The following PRKD3 variants were observed in gnomAD, a reference collection of about 807,000 sequenced individuals.
The protein encoded by PRKD3 is serine/threonine-protein kinase D3.
A neutral mutation model predicts 99.2 loss-of-function variants in PRKD3; 47 were observed. The ratio of observed to expected loss-of-function variants is 0.47; its 90% CI spans 0.38 to 0.60. PRKD3 has a LOEUF of 0.60. Ranked by LOEUF, PRKD3 falls within the 20% of genes least tolerant of loss-of-function variation. The probability of loss-of-function intolerance (pLI) is 0.00; values close to 1 mark genes in which losing one functional copy is unlikely to be tolerated. For synonymous variants in PRKD3, 392 were observed against 355.4 expected (o/e 1.10, Z -1.16); for missense variants, 1,019 against 1,088.4 (o/e 0.94, Z 0.90).
In PRKD3 at chr2:37,275,740, ATATTTTT is replaced by A. The variant is rs529413153; in HGVS notation, c.1374+20_1374+26del. On this transcript the variant is annotated intron_variant, in intron 10 of 18. Coordinates refer to ENST00000234179, the MANE Select transcript of PRKD3 (RefSeq NM_005813.6). ...AAAAACATACACTATCTTAATGCTT[ATATTTTT>A]TAAAGTGTAAAATCCTTACCTTATA... The A allele has an allele frequency of 3.2e-5, 51 of 1,575,112 alleles. 1 individual carries two copies. In the Admixed American group the frequency reaches 8.5e-4, roughly 26 times the overall value.
At chr2:37,319,515 A>G (rs1671787993) in intron 1 of PRKD3, among the ~76,000 whole-genome samples, 1 of 152,220 alleles carries the variant, frequency 6.6e-6, no homozygotes, top group Admixed American at 6.5e-5. Flanking sequence ...TAGTTTCCCC[A>G]AAATGTGCAA....
In PRKD3 at chr2:37,316,569, A is replaced by G; in HGVS notation, c.-45T>C. ...TAAAATAGTTGTCGATTCTTTTTCA[A>G]TGGTTATGAAGAGGTTTTTAAAATA... On this transcript the variant is annotated 5_prime_UTR_variant, in exon 2 of 19. Coordinates refer to ENST00000234179, the MANE Select transcript of PRKD3 (RefSeq NM_005813.6). 1 of 1,579,566 alleles carries G rather than the reference A, an allele frequency of 6.3e-7. No individual in the cohort carries two copies. The highest frequency in any genetic ancestry group is 8.6e-7 in the Non-Finnish European group (1 of 1,164,630).
At position 37,272,361 on chromosome 2, in the gene PRKD3, A is replaced by T; in HGVS notation, c.1704+19T>A. 1 of 1,601,192 alleles carries T rather than the reference A, an allele frequency of 6.2e-7. No individual in the cohort carries two copies. ...ATTTTAATCACCCAGTTTACACATT[A>T]GCTATAACGATTACTTACCACATTC... is the stretch of plus-strand genomic sequence containing the variant. On this transcript the variant is annotated intron_variant, in intron 12 of 18. Coordinates refer to ENST00000234179, the MANE Select transcript of PRKD3 (RefSeq NM_005813.6).
At chr2:37,290,468 AG>A (rs1316034208) in intron 4 of PRKD3, among the ~76,000 whole-genome samples, 2 of 152,234 alleles carry the variant, frequency 1.3e-5, no homozygotes, top group African/African-American at 4.8e-5. Flanking sequence ...TCCTGACCTC[AG>A]GTGATCCACC....
intron 7 of PRKD3, 120 bp downstream of exon 7, chr2:37,282,422 C>A: frequency 2.9e-6 from 2 of 682,590 alleles, no homozygotes. Flanking sequence ...ATTATTAAAT[C>A]AGAAGAAAAT....
chr2:37,309,411 A>G (rs985420880), intron 2 of PRKD3, among the ~76,000 whole-genome samples: 2 of 152,212 alleles, frequency 1.3e-5, no homozygotes, highest in African/African-American at 4.8e-5. Flanking sequence ...AATATCTCAA[A>G]TAACAGCCTA....
chr2:37,285,149 G>C (rs1418912530), intron 6 of PRKD3, among the ~76,000 whole-genome samples: 1 of 152,128 alleles, frequency 6.6e-6, no homozygotes, highest in Admixed American at 6.6e-5. Flanking sequence ...TAAGATTATA[G>C]TTAGACTACT....
intron 16 of PRKD3, 103 bp from the exon 17 acceptor site, chr2:37,257,032 G>T: frequency 8.1e-7 from 1 of 1,228,812 alleles, no homozygotes; most frequent in Non-Finnish European, 1.1e-6. Flanking sequence ...ATACTTGCCA[G>T]CTCTACTGAT....
chr2:37,260,775 T>C (rs950027995), intron 14 of PRKD3, among the ~76,000 whole-genome samples: 2 of 152,236 alleles, frequency 1.3e-5, no homozygotes, highest in Non-Finnish European at 2.9e-5. Context: ...GTATTTGTGA[T>C]GGTATTTGCT....
intron 12 of PRKD3, among the ~76,000 whole-genome samples, chr2:37,270,861 T>A (rs999434300): frequency 1.3e-5 from 2 of 152,224 alleles, no homozygotes; most frequent in Admixed American, 1.3e-4. Flanking sequence ...TATGTGTATA[T>A]ATATTTGTTA....
intron 1 of PRKD3, among the ~76,000 whole-genome samples, chr2:37,318,793 A>T (rs1259348897): frequency 6.6e-6 from 1 of 152,242 alleles, no homozygotes; most frequent in African/African-American, 2.4e-5. Flanking sequence ...TGACTCCTGC[A>T]ATCTTGGAGA....
At chr2:37,315,849 T>C (rs1671632950) in intron 2 of PRKD3, among the ~76,000 whole-genome samples, 2 of 152,188 alleles carry the variant, frequency 1.3e-5, no homozygotes, top group South Asian at 2.1e-4. Flanking sequence ...CTCAGCCTCA[T>C]GAGTAGCTTG....
intron 8 of PRKD3, chr2:37,278,681 A>G (rs78265128): frequency 0.097 from 14,733 of 152,312 alleles, 1,115 homozygotes; most frequent in East Asian, 0.35. Flanking sequence ...GCTCACGCCT[A>G]TAATCCCACC....
chr2:37,267,319 T>C, intron 14 of PRKD3, 111 bp downstream of exon 14: 2 of 694,028 alleles, frequency 2.9e-6, no homozygotes, highest in South Asian at 2.0e-5. Context: ...ATAATGCCTA[T>C]ATTACCATAA....
intron 6 of PRKD3, among the ~76,000 whole-genome samples, chr2:37,283,295 G>A (rs376540309): frequency 1.3e-5 from 2 of 152,154 alleles, no homozygotes; most frequent in South Asian, 2.1e-4. Flanking sequence ...AACTCTTAGC[G>A]GGTGGGGAGG....
Position 37,279,665 on chromosome 2 carries a change from T to TA in PRKD3, c.1172+80dup, listed in dbSNP as rs1417230220. On this transcript the variant is annotated intron_variant, in intron 8 of 18. Coordinates refer to ENST00000234179, the MANE Select transcript of PRKD3 (RefSeq NM_005813.6). ...TTTAAATTACTTTTAAGGTCCCACT[T>TA]AAAGAGACGTGGCTTTTTCTTAATG... 12 of 1,094,070 alleles carry TA rather than the reference T, an allele frequency of 1.1e-5. 1 individual carries two copies. The Admixed American group carries it at 3.1e-4, about 28-fold the overall frequency. The allele number at this position is 1,094,070 out of a possible 1,614,324, so 67.8% of individuals were successfully genotyped here. A position where few individuals can be genotyped will look rare whatever the true frequency, so the allele number is the denominator to read the frequency against.
intron 8 of PRKD3, chr2:37,279,510 A>G (rs1017476613): frequency 1.4e-5 from 4 of 277,812 alleles, no homozygotes; most frequent in African/African-American, 2.3e-5. Flanking sequence ...TAAGAACAAA[A>G]AACAAAAAAC....
chr2:37,291,976 A>G (rs182565738), intron 3 of PRKD3, among the ~76,000 whole-genome samples: 1 of 152,278 alleles, frequency 6.6e-6, no homozygotes, highest in East Asian at 1.9e-4. Context: ...ATGAGATGGC[A>G]AATAGTGGGA....
At chr2:37,324,251 C>T in intron 1 of PRKD3, 1 of 985,472 alleles carries the variant, frequency 1.0e-6, no homozygotes. Context: ...AAAGCTGGTC[C>T]AAAATTCGGC....
Sources: gnomAD v4.1 joint callset for allele counts (sites outside exome capture counted in the v4.1 genomes callset) on GRCh38, gnomAD v4.1.1 for gene constraint, MANE v1.5 for transcripts, NCBI Gene and HGNC (gene_info 2026-07-23, HGNC 2026-07-21) for gene names.